The following FAM53B variants were observed in gnomAD, a reference collection of about 807,000 sequenced individuals.
FAM53B encodes the protein family with sequence similarity 53 member B.
Under a neutral mutation model 32.7 loss-of-function variants are expected in FAM53B, and 12 were observed. The observed-to-expected ratio is 0.37, with a 90% CI of 0.24 to 0.59. FAM53B has a LOEUF of 0.59. Among genes scored for constraint, FAM53B ranks in the 20% least tolerant of loss-of-function variants. FAM53B has a pLI of 0.72. For synonymous variants in FAM53B, 234 were observed against 228.7 expected (o/e 1.02, Z -0.21); for missense variants, 477 against 577.7 (o/e 0.83, Z 1.79).
chr10:124,727,327 T>G (rs1370746093), intron 1 of FAM53B, among the ~76,000 whole-genome samples: 2 of 9,332 alleles, frequency 2.1e-4, no homozygotes, highest in Non-Finnish European at 2.4e-4. Context: ...ACCTGAGTGA[T>G]TGTGGGGGGG....
chr10:124,646,907 G>A (rs1034692322), intron 4 of FAM53B, among the ~76,000 whole-genome samples: 3 of 152,216 alleles, frequency 2.0e-5, no homozygotes, highest in Non-Finnish European at 4.4e-5. Flanking sequence ...GACCTCTCCA[G>A]GTTCTAAGTG....
chr10:124,634,124 C>T (rs1949410961), intron 4 of FAM53B, among the ~76,000 whole-genome samples: 1 of 152,176 alleles, frequency 6.6e-6, no homozygotes, highest in Non-Finnish European at 1.5e-5. Flanking sequence ...CAGTGTTATT[C>T]AAAATATCCA....
rs1353807241 is a variant in FAM53B at position 124,621,695 on chromosome 10, G to A, written c.*1547C>T. ...TCCCAAAAAGCATCTTTCTTGAGGA[G>A]AAAGAAGGTGAGAAGCATCTGGACT... On this transcript the variant is annotated 3_prime_UTR_variant, in exon 5 of 5. Coordinates refer to ENST00000337318, the MANE Select transcript of FAM53B (RefSeq NM_014661.4). The A allele has an allele frequency of 2.6e-5, 4 of 152,260 alleles. No homozygotes were observed. Among genetic ancestry groups the A allele is most frequent in the African/African-American group, 9.6e-5 (4 of 41,458 alleles). 9.4% of individuals were successfully genotyped at this position (152,260 alleles called of 1,614,324 possible). A position where few individuals can be genotyped will look rare whatever the true frequency, so the allele number is the denominator to read the frequency against.
chr10:124,732,692 C>A (rs1950151948), intron 1 of FAM53B, among the ~76,000 whole-genome samples: 1 of 152,116 alleles, frequency 6.6e-6, no homozygotes, highest in Non-Finnish European at 1.5e-5. Flanking sequence ...AACCCCGTCT[C>A]TACTAAAAAT....
At chr10:124,713,756 A>G (rs1950020683) in intron 1 of FAM53B, 1 of 152,334 alleles carries the variant, frequency 6.6e-6, no homozygotes, top group Admixed American at 6.5e-5. Flanking sequence ...ACTTGCACAC[A>G]TTAGTTTCAC....
intron 4 of FAM53B, among the ~76,000 whole-genome samples, chr10:124,676,518 A>G (rs1245457675): frequency 1.3e-5 from 2 of 152,222 alleles, no homozygotes; most frequent in African/African-American, 4.8e-5. Context: ...TGGGGGTGCC[A>G]GCGCAAGAAG....
chr10:124,738,650 C>G (rs952280895), intron 1 of FAM53B, among the ~76,000 whole-genome samples: 1 of 151,584 alleles, frequency 6.6e-6, no homozygotes, highest in African/African-American at 2.4e-5. Flanking sequence ...CTGGCTGGGG[C>G]GTACCAAGTT....
At chr10:124,689,072 C>T (rs1453619312) in intron 3 of FAM53B, among the ~76,000 whole-genome samples, 1 of 152,206 alleles carries the variant, frequency 6.6e-6, no homozygotes, top group East Asian at 1.9e-4. Flanking sequence ...ACATTTCACA[C>T]CTATCTACTT....
chr10:124,725,591 G>A lies in FAM53B; in HGVS notation c.-175+18422C>T, dbSNP rs183643343. Among the ~76,000 whole-genome samples the A allele has an allele frequency of 5.2e-3, 786 of 152,308 alleles. 4 individuals carry two copies. The highest frequency in any genetic ancestry group is 8.4e-3 in the Non-Finnish European group (573 of 68,032). On this transcript the variant is annotated intron_variant, in intron 1 of 4. Transcript: ENST00000337318. ...AATGCGGCCTGTCTTTGGTGAGAAC[G>A]GGTAAAATCAACCTATCTGGGAAAC... is the stretch of plus-strand genomic sequence containing the variant.
At chr10:124,697,535 CACGGGGTT>C (rs1949881754) in intron 2 of FAM53B, among the ~76,000 whole-genome samples, 1 of 152,128 alleles carries the variant, frequency 6.6e-6, no homozygotes. Flanking sequence ...GTGTTCATCC[CACGGGGTT>C]ACTAAGGGTC....
intron 4 of FAM53B, among the ~76,000 whole-genome samples, chr10:124,627,357 T>C (rs755088058): frequency 6.6e-6 from 1 of 152,216 alleles, no homozygotes; most frequent in Non-Finnish European, 1.5e-5. Flanking sequence ...GGAAGAACAC[T>C]GCACAGGCAA....
chr10:124,724,156 A>G (rs1311299424), intron 1 of FAM53B, among the ~76,000 whole-genome samples: 1 of 152,242 alleles, frequency 6.6e-6, no homozygotes, highest in Non-Finnish European at 1.5e-5. Flanking sequence ...GTAGGGAGGT[A>G]AAGATCTGGG....
chr10:124,693,617 C>T (rs928290641), intron 3 of FAM53B, among the ~76,000 whole-genome samples: 1 of 152,184 alleles, frequency 6.6e-6, no homozygotes, highest in African/African-American at 2.4e-5. Flanking sequence ...CTCCTGACTG[C>T]TGACACCCGC....
At chr10:124,708,154 G>A (rs1321455075) in intron 1 of FAM53B, among the ~76,000 whole-genome samples, 1 of 152,212 alleles carries the variant, frequency 6.6e-6, no homozygotes, top group African/African-American at 2.4e-5. Context: ...CTTCCAATCT[G>A]TAATCAGAAA....
intron 4 of FAM53B, among the ~76,000 whole-genome samples, chr10:124,645,475 A>C (rs1589736023): frequency 6.6e-6 from 1 of 151,172 alleles, no homozygotes; most frequent in African/African-American, 2.4e-5. Flanking sequence ...CCCCCATTCC[A>C]CCCACAGCCT....
In FAM53B at chr10:124,636,165, C is replaced by T. The variant is rs191253736; in HGVS notation, c.907-12561G>A. ...TTAGAAAAGGCCAAAATCCTATTCA[C>T]ATGATCGCTTGTGTTTTCCAAGGTC... On this transcript the variant is annotated intron_variant, in intron 4 of 4. Coordinates refer to ENST00000337318, the MANE Select transcript of FAM53B (RefSeq NM_014661.4). Among the ~76,000 whole-genome samples, 879 of 152,350 alleles carry T rather than the reference C, an allele frequency of 5.8e-3. 14 individuals are homozygous for T. The highest frequency in any genetic ancestry group is 0.02 in the African/African-American group (823 of 41,582).
intron 4 of FAM53B, among the ~76,000 whole-genome samples, chr10:124,630,378 T>C (rs1468724218): frequency 1.3e-5 from 2 of 152,054 alleles, no homozygotes; most frequent in Non-Finnish European, 2.9e-5. Context: ...TGCACCACTG[T>C]ACTCCAGCCT....
At chr10:124,640,911 G>T (rs1048986534) in intron 4 of FAM53B, among the ~76,000 whole-genome samples, 11 of 152,254 alleles carry the variant, frequency 7.2e-5, no homozygotes. Flanking sequence ...CAGAGGGCAC[G>T]CCCCGCTGAC....
intron 3 of FAM53B, among the ~76,000 whole-genome samples, chr10:124,693,147 G>A (rs577145634): frequency 2.6e-5 from 4 of 152,222 alleles, no homozygotes; most frequent in African/African-American, 4.8e-5. Context: ...AAGTCTAGCC[G>A]GCCCCTCAGA....
Sources: allele counts gnomAD v4.1 joint callset (sites outside exome capture counted in the v4.1 genomes callset), GRCh38; gene constraint gnomAD v4.1.1; transcripts MANE v1.5; gene names NCBI Gene and HGNC (gene_info 2026-07-23, HGNC 2026-07-21).